The following AUTS2 variants were observed in gnomAD, a reference collection of about 807,000 sequenced individuals.
AUTS2 encodes autism susceptibility gene 2 protein.
AUTS2 carries 17 observed loss-of-function variants against 112.4 expected under a neutral mutation model. That is an observed-to-expected ratio of 0.15 (90% CI 0.10 to 0.23). The LOEUF is 0.23. AUTS2 is among the 10% of genes least tolerant of loss of function. AUTS2 has a pLI of 1.00. For synonymous variants in AUTS2, 751 were observed against 702.7 expected (o/e 1.07, Z -1.09); for missense variants, 1,510 against 1,701.6 (o/e 0.89, Z 1.98).
intron 2 of AUTS2, among the ~76,000 whole-genome samples, chr7:69,909,400 T>G (rs954361547): frequency 2.0e-5 from 3 of 151,924 alleles, no homozygotes; most frequent in Non-Finnish European, 4.4e-5. Flanking sequence ...CTAACCGGAG[T>G]TTTTTATTTT....
intron 5 of AUTS2, among the ~76,000 whole-genome samples, chr7:70,675,515 T>G: frequency 6.6e-6 from 1 of 151,930 alleles, no homozygotes; most frequent in Non-Finnish European, 1.5e-5. Context: ...AAAAGAAACG[T>G]TTGTTCCAGT....
chr7:69,963,817 A>G (rs1340557831), intron 2 of AUTS2, among the ~76,000 whole-genome samples: 5 of 152,136 alleles, frequency 3.3e-5, no homozygotes, highest in African/African-American at 1.2e-4. Flanking sequence ...AGGGGCCTTC[A>G]GTCTTCAAAG....
chr7:69,744,458 C>T (rs1343214888), intron 1 of AUTS2, among the ~76,000 whole-genome samples: 2 of 152,098 alleles, frequency 1.3e-5, no homozygotes, highest in African/African-American at 4.8e-5. Context: ...ATTTGATACT[C>T]CTTTTCTGTT....
At chr7:70,514,623 A>T (rs1799340079) in intron 5 of AUTS2, among the ~76,000 whole-genome samples, 1 of 152,164 alleles carries the variant, frequency 6.6e-6, no homozygotes, top group South Asian at 2.1e-4. Flanking sequence ...CGCCTCCAAC[A>T]CTGGGGATCA....
intron 1 of AUTS2, among the ~76,000 whole-genome samples, chr7:69,817,306 C>G (rs1202208064): frequency 6.6e-6 from 1 of 152,218 alleles, no homozygotes; most frequent in Non-Finnish European, 1.5e-5. Flanking sequence ...TCTCTAGCAG[C>G]TCACCCTTGT....
Position 70,684,659 on chromosome 7 carries a change from G to A in AUTS2, c.691-13910G>A, listed in dbSNP as rs1385015033. Among the ~76,000 whole-genome samples, 10 of 151,578 alleles carry A rather than the reference G, an allele frequency of 6.6e-5. No individual in the cohort carries two copies. The South Asian group carries it at 8.4e-4, about 13-fold the overall frequency. On this transcript the variant is annotated intron_variant, in intron 5 of 18. Coordinates refer to ENST00000342771, the MANE Select transcript of AUTS2 (RefSeq NM_015570.4). Reference sequence around the variant, plus strand: ...ATGGTGTGGGGTGGTGTGGCGTGGCGTGTGGTGTGGTATGGTGTGTTGTGG... The same window carrying A: ...ATGGTGTGGGGTGGTGTGGCGTGGCATGTGGTGTGGTATGGTGTGTTGTGG...
chr7:70,186,713 C>T (rs1019445017), intron 4 of AUTS2, among the ~76,000 whole-genome samples: 8 of 152,000 alleles, frequency 5.3e-5, no homozygotes, highest in Admixed American at 2.6e-4. Context: ...GAATTACAGG[C>T]GCCCGCCACC....
In AUTS2 at chr7:70,411,040, T is replaced by G. The variant is rs111689807; in HGVS notation, c.661-24712T>G. Among the ~76,000 whole-genome samples, 5 of 152,126 alleles carry G rather than the reference T, an allele frequency of 3.3e-5. 1 individual carries two copies. Among genetic ancestry groups the G allele is most frequent in the Admixed American group, 1.3e-4 (2 of 15,282 alleles). ...CACCATGCCTGGCTAATTTTTTGTATTTTTAGTAGAAATGGGGTTTCACCA... is the reference window on the plus strand; with the variant it reads ...CACCATGCCTGGCTAATTTTTTGTAGTTTTAGTAGAAATGGGGTTTCACCA... On this transcript the variant is annotated intron_variant, in intron 4 of 18. Coordinates refer to ENST00000342771, the MANE Select transcript of AUTS2 (RefSeq NM_015570.4).
intron 1 of AUTS2, among the ~76,000 whole-genome samples, chr7:69,762,767 A>T (rs1369921108): frequency 3.3e-5 from 5 of 152,226 alleles, no homozygotes; most frequent in Admixed American, 3.3e-4. Flanking sequence ...TTTAAAAAAA[A>T]GTAGTAAAGC....
chr7:69,906,953 A>G (rs1183212642), intron 2 of AUTS2, among the ~76,000 whole-genome samples: 1 of 152,086 alleles, frequency 6.6e-6, no homozygotes, highest in Non-Finnish European at 1.5e-5. Context: ...AGAGAAATAA[A>G]AAAATTAGCT....
At chr7:69,847,163 A>G (rs946805439) in intron 1 of AUTS2, among the ~76,000 whole-genome samples, 2 of 152,208 alleles carry the variant, frequency 1.3e-5, no homozygotes, top group African/African-American at 2.4e-5. Flanking sequence ...AGCTGGCTTA[A>G]TAGAACATAC....
intron 5 of AUTS2, among the ~76,000 whole-genome samples, chr7:70,506,869 A>G (rs917424131): frequency 6.6e-6 from 1 of 152,236 alleles, no homozygotes; most frequent in Non-Finnish European, 1.5e-5. Flanking sequence ...ACTCTGGGCC[A>G]TGTGGAGTCC....
intron 5 of AUTS2, among the ~76,000 whole-genome samples, chr7:70,640,572 GGTGT>G (rs56257017): frequency 9.3e-5 from 14 of 150,148 alleles, no homozygotes; most frequent in South Asian, 2.1e-4. Context: ...CAGAACTAAT[GGTGT>G]GTGTGTGTGT....
intron 1 of AUTS2, among the ~76,000 whole-genome samples, chr7:69,858,589 G>T (rs1325543256): frequency 1.3e-5 from 2 of 152,152 alleles, no homozygotes; most frequent in Non-Finnish European, 2.9e-5. Flanking sequence ...GCTGCTTTGG[G>T]CTGAGAATAG....
intron 5 of AUTS2, among the ~76,000 whole-genome samples, chr7:70,555,844 C>T (rs1018065522): frequency 3.4e-5 from 5 of 149,216 alleles, no homozygotes; most frequent in African/African-American, 7.4e-5. Context: ...GTCGCTCTGT[C>T]GCCCAGCTGG....
intron 2 of AUTS2, among the ~76,000 whole-genome samples, chr7:69,902,961 TA>T (rs1317536335): frequency 2.0e-5 from 3 of 152,198 alleles, no homozygotes; most frequent in African/African-American, 7.2e-5. Flanking sequence ...CCAAAGGGGT[TA>T]AAATTATGAA....
At chr7:70,021,857 T>G (rs903073010) in intron 2 of AUTS2, among the ~76,000 whole-genome samples, 1 of 152,128 alleles carries the variant, frequency 6.6e-6, no homozygotes, top group South Asian at 2.1e-4. Context: ...ATACACAGGT[T>G]TATCTCTCTG....
chr7:69,931,849 C>G (rs13229256), intron 2 of AUTS2, among the ~76,000 whole-genome samples: 1 of 152,088 alleles, frequency 6.6e-6, no homozygotes, highest in Non-Finnish European at 1.5e-5. Context: ...TGTCAGGCAG[C>G]CTGCTAATTT....
intron 6 of AUTS2, among the ~76,000 whole-genome samples, chr7:70,732,716 A>C (rs2129552939): frequency 6.6e-6 from 1 of 152,332 alleles, no homozygotes; most frequent in South Asian, 2.1e-4. Flanking sequence ...ACATCACCAG[A>C]TTCCAAACTC....
Sources: gnomAD v4.1 joint callset for allele counts (sites outside exome capture counted in the v4.1 genomes callset) on GRCh38, gnomAD v4.1.1 for gene constraint, MANE v1.5 for transcripts, NCBI Gene and HGNC (gene_info 2026-07-23, HGNC 2026-07-21) for gene names.